C8orf34: variants seen among roughly 807,000 people sequenced by gnomAD.
The protein encoded by C8orf34 is chromosome 8 open reading frame 34, also known as uncharacterized protein C8orf34.
Under a neutral mutation model 68.3 loss-of-function variants are expected in C8orf34, and 65 were observed. The observed-to-expected ratio is 0.95, with a 90% CI of 0.78 to 1.17. The LOEUF (loss-of-function observed/expected upper bound fraction) is 1.17. Among genes scored for constraint, C8orf34 ranks in the 50% most tolerant of loss-of-function variants. The pLI is 0.00. For missense variants in C8orf34, 664 were observed against 655.4 expected (o/e 1.01, Z -0.14); for synonymous variants, 244 against 241.2 (o/e 1.01, Z -0.11).
intron 7 of C8orf34, among the ~76,000 whole-genome samples, chr8:68,578,118 G>A (rs1051174652): frequency 3.3e-5 from 5 of 151,946 alleles, no homozygotes; most frequent in African/African-American, 9.7e-5. Flanking sequence ...CGAAGCGAGA[G>A]AAGGAAAGGA....
chr8:68,556,558 T>G (rs968220997), intron 7 of C8orf34, among the ~76,000 whole-genome samples: 2 of 152,102 alleles, frequency 1.3e-5, no homozygotes, highest in Admixed American at 1.3e-4. Flanking sequence ...AGGCATAGCC[T>G]GACTCAGCAA....
intron 8 of C8orf34, among the ~76,000 whole-genome samples, chr8:68,646,119 G>C (rs1246391460): frequency 6.6e-6 from 1 of 151,966 alleles, no homozygotes; most frequent in Non-Finnish European, 1.5e-5. Flanking sequence ...TTGTTACCTT[G>C]TCTTTTGTTA....
chr8:68,404,616 A>G (rs935701045), intron 1 of C8orf34, among the ~76,000 whole-genome samples: 21 of 152,182 alleles, frequency 1.4e-4, no homozygotes, highest in Non-Finnish European at 8.8e-5. Flanking sequence ...TCCCAACACC[A>G]TTTATTAAAT....
intron 1 of C8orf34, among the ~76,000 whole-genome samples, chr8:68,390,231 T>C (rs1318562562): frequency 6.6e-6 from 1 of 152,158 alleles, no homozygotes; most frequent in Non-Finnish European, 1.5e-5. Flanking sequence ...TTCTGTGCCC[T>C]GGACAGCCCC....
At chr8:68,415,032 A>G (rs1228501195) in intron 1 of C8orf34, among the ~76,000 whole-genome samples, 1 of 152,152 alleles carries the variant, frequency 6.6e-6, no homozygotes, top group African/African-American at 2.4e-5. Context: ...ACAGTGTCAA[A>G]GTTCATTTCT....
intron 1 of C8orf34, among the ~76,000 whole-genome samples, chr8:68,421,850 C>T (rs1356976782): frequency 6.6e-6 from 1 of 152,124 alleles, no homozygotes; most frequent in Non-Finnish European, 1.5e-5. Context: ...GATGGGGAGT[C>T]CTCAAGTAAC....
intron 5 of C8orf34, among the ~76,000 whole-genome samples, chr8:68,488,776 T>A (rs1813185878): frequency 6.6e-6 from 1 of 152,176 alleles, no homozygotes; most frequent in Non-Finnish European, 1.5e-5. Flanking sequence ...CATGTTTATA[T>A]GAGTTGTTGC....
intron 10 of C8orf34, among the ~76,000 whole-genome samples, chr8:68,742,005 C>A (rs1407371268): frequency 1.3e-5 from 2 of 152,176 alleles, no homozygotes; most frequent in African/African-American, 4.8e-5. Flanking sequence ...TTCTACCATA[C>A]CTTCCACCCA....
Position 68,331,020 on chromosome 8 carries a change from C to A in C8orf34, c.8C>A (p.Ser3Tyr). Reference protein sequence around the residue: MSSPLASELSELA... With the variant: MSYPLASELSELA... Reference sequence around the variant, plus strand: ...AGGCGGAGAACGCGATGAATGAGTTCTCCCCTCGCCTCGGAGTTGTCTGAG... The same window carrying A: ...AGGCGGAGAACGCGATGAATGAGTTATCCCCTCGCCTCGGAGTTGTCTGAG... Residue 3 changes from serine (S) to tyrosine (Y), a missense_variant, in exon 1 of 14, where the codon TCT (serine) becomes TAT (tyrosine). Transcript: ENST00000518698. 1 of 1,442,830 alleles carries A rather than the reference C, an allele frequency of 6.9e-7. No homozygotes were observed. The highest frequency in any genetic ancestry group is 9.0e-7 in the Non-Finnish European group (1 of 1,111,280). 89.4% of individuals were successfully genotyped at this position (1,442,830 alleles called of 1,614,324 possible). A position where few individuals can be genotyped will look rare whatever the true frequency, so the allele number is the denominator to read the frequency against.
chr8:68,452,311 T>C (rs1280725812), intron 3 of C8orf34, among the ~76,000 whole-genome samples: 1 of 151,494 alleles, frequency 6.6e-6, no homozygotes, highest in East Asian at 1.9e-4. Context: ...TATGTGTAAC[T>C]TCGAGGAGCT....
intron 7 of C8orf34, among the ~76,000 whole-genome samples, chr8:68,575,936 CAT>C (rs1415389232): frequency 7.1e-6 from 1 of 140,338 alleles, no homozygotes; most frequent in African/African-American, 2.6e-5. Flanking sequence ...GATGAGCTGA[CAT>C]AATGCTAGTA....
intron 1 of C8orf34, among the ~76,000 whole-genome samples, chr8:68,356,628 G>C (rs1370096481): frequency 6.6e-6 from 1 of 152,130 alleles, no homozygotes; most frequent in Non-Finnish European, 1.5e-5. Context: ...AATTTGCCAT[G>C]AAATTAAGTA....
At chr8:68,704,648 A>C (rs1444641362) in intron 8 of C8orf34, among the ~76,000 whole-genome samples, 1 of 152,112 alleles carries the variant, frequency 6.6e-6, no homozygotes, top group Admixed American at 6.6e-5. Context: ...AAAAGATCAC[A>C]TCCACCCACA....
intron 12 of C8orf34, among the ~76,000 whole-genome samples, chr8:68,815,353 CAT>C (rs34192587): frequency 3.3e-5 from 5 of 151,390 alleles, no homozygotes; most frequent in African/African-American, 7.3e-5. Context: ...TGGGTACACA[CAT>C]ATATATATAT....
intron 11 of C8orf34, among the ~76,000 whole-genome samples, chr8:68,777,073 C>T (rs1232322212): frequency 3.3e-5 from 5 of 152,222 alleles, no homozygotes; most frequent in African/African-American, 4.8e-5. Context: ...GAAGCCAGAC[C>T]ACCGTGGCCA....
chr8:68,635,603 G>A (rs1436885811), intron 7 of C8orf34, among the ~76,000 whole-genome samples: 1 of 152,078 alleles, frequency 6.6e-6, no homozygotes, highest in Non-Finnish European at 1.5e-5. Flanking sequence ...AGAAGGTATG[G>A]GAAACTTAGA....
intron 5 of C8orf34, among the ~76,000 whole-genome samples, chr8:68,508,286 A>G (rs972206306): frequency 7.2e-5 from 11 of 152,178 alleles, no homozygotes; most frequent in African/African-American, 1.9e-4. Flanking sequence ...TCTATCTTCC[A>G]AGTTATCATA....
At chr8:68,599,073 A>C (rs2130480737) in intron 7 of C8orf34, among the ~76,000 whole-genome samples, 1 of 152,208 alleles carries the variant, frequency 6.6e-6, no homozygotes, top group Non-Finnish European at 1.5e-5. Flanking sequence ...TAATATAGAA[A>C]TTCAATATTT....
chr8:68,453,203 G>A (rs1811417557), intron 3 of C8orf34, among the ~76,000 whole-genome samples: 1 of 151,970 alleles, frequency 6.6e-6, no homozygotes. Flanking sequence ...TGGGAAGTAT[G>A]AGTCCTCTGA....
Sources: gnomAD v4.1 joint callset for allele counts (sites outside exome capture counted in the v4.1 genomes callset) on GRCh38, gnomAD v4.1.1 for gene constraint, MANE v1.5 for transcripts, NCBI Gene and HGNC (gene_info 2026-07-23, HGNC 2026-07-21) for gene names.